Variants in UNC13C observed in about 807,000 individuals in gnomAD.
UNC13C encodes protein unc-13 homolog C.
UNC13C carries 174 observed loss-of-function variants against 245.4 expected under a neutral mutation model. That is an observed-to-expected ratio of 0.71 (90% confidence interval 0.63 to 0.80). The LOEUF (loss-of-function observed/expected upper bound fraction) is 0.80, where lower values mean the gene tolerates loss of function less well. Among genes scored for constraint, UNC13C ranks in the 30% least tolerant of loss-of-function variants. UNC13C has a pLI of 0.00. For missense variants in UNC13C, 2,829 were observed against 2,602.9 expected (o/e 1.09, Z -1.89); for synonymous variants, 992 against 895.1 (o/e 1.11, Z -1.93).
rs778436578 is a variant in UNC13C, at chr15:54,015,685, G to A, written c.2782G>A (p.Asp928Asn). 1 of 1,613,606 alleles carries A rather than the reference G, an allele frequency of 6.2e-7. No homozygotes were observed. The highest frequency in any genetic ancestry group is 1.3e-5 in the African/African-American group (1 of 74,924). Residue 928 changes from aspartate (D) to asparagine (N), a missense_variant, in exon 2 of 33, where the codon GAT (aspartate) becomes AAT (asparagine). Physicochemically the swap from Asp to Asn is conservative, Grantham distance 23. Coordinates refer to ENST00000260323, the MANE Select transcript of UNC13C (RefSeq NM_001080534.3). ...TGAGGGTTATGATGGTCCAGCAGAT[G>A]ATATGGTTAGTGAAGAGGGGTTAGA... ...QDEGYDGPAD[D>N]MVSEEGLEPL...
chr15:54,496,774 C>A (rs1428321686), intron 20 of UNC13C, among the ~76,000 whole-genome samples: 2 of 149,094 alleles, frequency 1.3e-5, no homozygotes, highest in African/African-American at 5.0e-5. Context: ...TATGAAGAAG[C>A]AAAGAGGCAT....
the UNC13C span, among the ~76,000 whole-genome samples, chr15:53,916,261 C>T: frequency 1.3e-5 from 2 of 152,144 alleles, no homozygotes; most frequent in African/African-American, 4.8e-5. Context: ...TAATCCAAGT[C>T]TTAGGGTCTA....
intron 1 of UNC13C, among the ~76,000 whole-genome samples, chr15:53,984,195 A>G (rs1482946678): frequency 6.6e-6 from 1 of 152,102 alleles, no homozygotes; most frequent in Non-Finnish European, 1.5e-5. Flanking sequence ...AATACTTAGT[A>G]TGGCAAAATA....
At chr15:54,255,271 T>C (rs2036250959) in intron 8 of UNC13C, among the ~76,000 whole-genome samples, 1 of 152,110 alleles carries the variant, frequency 6.6e-6, no homozygotes, top group Admixed American at 6.5e-5. Context: ...ACTGGAAGAA[T>C]TGGATCACAG....
intron 30 of UNC13C, among the ~76,000 whole-genome samples, chr15:54,604,629 C>G (rs1418810088): frequency 6.6e-6 from 1 of 152,194 alleles, no homozygotes. Flanking sequence ...CCCCACTGGT[C>G]TTGTCACCTT....
chr15:54,333,109 A>C (rs567214737), intron 15 of UNC13C, among the ~76,000 whole-genome samples: 1 of 152,208 alleles, frequency 6.6e-6, no homozygotes, highest in East Asian at 1.9e-4. Context: ...TGGTTTTCCT[A>C]ATGGCTCTTT....
chr15:54,359,654 AT>A, intron 17 of UNC13C, among the ~76,000 whole-genome samples: 1 of 151,820 alleles, frequency 6.6e-6, no homozygotes, highest in East Asian at 1.9e-4. Context: ...TATCTTTTGT[AT>A]TTGTATTGAA....
intron 2 of UNC13C, among the ~76,000 whole-genome samples, chr15:54,098,595 T>A (rs1369511112): frequency 1.3e-5 from 2 of 152,166 alleles, no homozygotes; most frequent in East Asian, 1.9e-4. Flanking sequence ...TTGTTTCACT[T>A]CATGTTTTTT....
At chr15:54,496,350 A>C (rs62022365) in intron 20 of UNC13C, among the ~76,000 whole-genome samples, 28,821 of 152,028 alleles carry the variant, frequency 0.19, 2,894 homozygotes, top group Middle Eastern at 0.22. Context: ...GAATTTGTCA[A>C]CTAAAGACAT....
intron 17 of UNC13C, 74 bp downstream of exon 17, chr15:54,338,563 A>G: frequency 4.0e-6 from 6 of 1,489,954 alleles, no homozygotes; most frequent in African/African-American, 1.4e-5. Context: ...TTAGCATAAT[A>G]GTAAATAGAA....
chr15:53,889,025 C>T, the UNC13C span, among the ~76,000 whole-genome samples: 1 of 152,100 alleles, frequency 6.6e-6, no homozygotes, highest in African/African-American at 2.4e-5. Flanking sequence ...ACTGTCTTGG[C>T]TCTGCGGGCT....
the UNC13C span, among the ~76,000 whole-genome samples, chr15:53,940,994 C>G: frequency 6.6e-6 from 1 of 152,004 alleles, no homozygotes. Context: ...GCCCAAATAG[C>G]CAAGACAATC....
At chr15:53,959,877 A>G in the UNC13C span, among the ~76,000 whole-genome samples, 1 of 152,222 alleles carries the variant, frequency 6.6e-6, no homozygotes, top group African/African-American at 2.4e-5. Flanking sequence ...TATCACTGCA[A>G]TAAATTGAAG....
chr15:53,981,357 C>G (rs1237533309), intron 1 of UNC13C, among the ~76,000 whole-genome samples: 2 of 152,072 alleles, frequency 1.3e-5, no homozygotes, highest in Admixed American at 1.3e-4. Flanking sequence ...AAAAACAATC[C>G]TGCTTTGCAT....
intron 19 of UNC13C, among the ~76,000 whole-genome samples, chr15:54,444,685 T>C (rs1425573906): frequency 6.6e-6 from 1 of 151,898 alleles, no homozygotes; most frequent in Non-Finnish European, 1.5e-5. Flanking sequence ...CTCTTCCTAA[T>C]TTTTTTGTGT....
intron 20 of UNC13C, 44 bp downstream of exon 20, chr15:54,494,778 C>T (rs756478060): frequency 6.3e-7 from 1 of 1,593,906 alleles, no homozygotes; most frequent in South Asian, 1.2e-5. Flanking sequence ...TCTAAATTCA[C>T]ATTCCTGTAA....
Position 54,225,841 on chromosome 15 carries a change from A to G in UNC13C, c.3072-9189A>G, listed in dbSNP as rs1267014578. 4.6e-5 allele frequency among the ~76,000 whole-genome samples: 7 copies of G among 152,100 alleles called. No homozygotes were observed. In the East Asian group the frequency reaches 7.7e-4, roughly 17 times the overall value. On this transcript the variant is annotated intron_variant, in intron 4 of 32. Coordinates refer to ENST00000260323, the MANE Select transcript of UNC13C (RefSeq NM_001080534.3). ...TGCCCTGGCCAGAACTTCCAATACT[A>G]TGTTGAATAGGAGTGGTAAGAGAGG...
rs769814423 is a variant in UNC13C at position 54,583,366 on chromosome 15, A to C, written c.6106+15419A>C. Among the ~76,000 whole-genome samples the C allele has an allele frequency of 9.3e-4, 141 of 152,340 alleles. 2 individuals carry two copies. In the Middle Eastern group the frequency reaches 0.01, roughly 11 times the overall value. On this transcript the variant is annotated intron_variant, in intron 30 of 32. Coordinates refer to ENST00000260323, the MANE Select transcript of UNC13C (RefSeq NM_001080534.3). ...AGAATATTTTCATGTAGACTGCACT[A>C]AAATAACAAGATAAACCTGAAACTA...
At chr15:54,040,001 C>T (rs561205533) in intron 2 of UNC13C, among the ~76,000 whole-genome samples, 14 of 151,850 alleles carry the variant, frequency 9.2e-5, no homozygotes, top group Admixed American at 7.2e-4. Flanking sequence ...CCCCACCCCA[C>T]CCCCATTTTA....
Sources: allele counts gnomAD v4.1 joint callset (sites outside exome capture counted in the v4.1 genomes callset), GRCh38; gene constraint gnomAD v4.1.1; transcripts MANE v1.5; gene names NCBI Gene and HGNC (gene_info 2026-07-23, HGNC 2026-07-21).